Variants in RBPJ observed in about 807,000 individuals in gnomAD.
RBPJ encodes recombining binding protein suppressor of hairless.
RBPJ carries 9 observed loss-of-function variants against 67.8 expected under a neutral mutation model. The observed-to-expected ratio is 0.13, with a 90% CI of 0.08 to 0.23. The LOEUF is 0.23. Among genes scored for constraint, RBPJ ranks in the 10% least tolerant of loss-of-function variants. The pLI is 1.00. For synonymous variants in RBPJ, 198 were observed against 203.3 expected, an observed-to-expected ratio of 0.97 and a Z score of 0.22; for missense variants, 305 against 595.6, an observed-to-expected ratio of 0.51 and a Z score of 5.08.
At chr4:26,418,703 C>G (rs1216506288) in intron 4 of RBPJ, among the ~76,000 whole-genome samples, 1 of 152,116 alleles carries the variant, frequency 6.6e-6, no homozygotes, top group African/African-American at 2.4e-5. Context: ...TAAGCTTTCC[C>G]ATTAGAATGT....
chr4:26,182,115 G>A (rs1266902704), intron 1 of RBPJ, among the ~76,000 whole-genome samples: 1 of 152,222 alleles, frequency 6.6e-6, no homozygotes, highest in African/African-American at 2.4e-5. Flanking sequence ...GGCCGAGGCA[G>A]CCGGATCATG....
At chr4:26,310,071 CAA>C (rs955735420) in intron 1 of RBPJ, among the ~76,000 whole-genome samples, 5 of 152,102 alleles carry the variant, frequency 3.3e-5, no homozygotes, top group Non-Finnish European at 7.4e-5. Context: ...CCCAGGCCTG[CAA>C]AAAACTCAAA....
chr4:26,112,543 C>G, the RBPJ span: 23 of 65,918 alleles, frequency 3.5e-4, 1 homozygote, highest in Admixed American at 3.7e-3. Flanking sequence ...GAGGAGGCAG[C>G]CTTTTTTTTT....
At chr4:26,128,793 T>C in the RBPJ span, among the ~76,000 whole-genome samples, 1 of 152,192 alleles carries the variant, frequency 6.6e-6, no homozygotes, top group East Asian at 1.9e-4. Context: ...AATAGAATCA[T>C]GGGGGTGGTT....
intron 1 of RBPJ, among the ~76,000 whole-genome samples, chr4:26,347,175 T>C (rs1291265166): frequency 6.6e-6 from 1 of 152,084 alleles, no homozygotes; most frequent in Non-Finnish European, 1.5e-5. Flanking sequence ...ATGTCGACTT[T>C]GAGGTTCTTG....
intron 1 of RBPJ, among the ~76,000 whole-genome samples, chr4:26,288,129 A>T (rs1199195150): frequency 6.6e-6 from 1 of 152,216 alleles, no homozygotes; most frequent in African/African-American, 2.4e-5. Context: ...ATTACATATC[A>T]CTGAGTAACA....
intron 1 of RBPJ, among the ~76,000 whole-genome samples, chr4:26,269,649 G>A (rs151221119): frequency 6.6e-6 from 1 of 152,114 alleles, no homozygotes; most frequent in Non-Finnish European, 1.5e-5. Flanking sequence ...CTCAAAGACA[G>A]GGACTCTGTC....
chr4:26,128,818 C>A, the RBPJ span, among the ~76,000 whole-genome samples: 2 of 152,042 alleles, frequency 1.3e-5, no homozygotes, highest in Non-Finnish European at 2.9e-5. Context: ...CCATATTGTT[C>A]TTATGGTAGT....
chr4:26,319,929 T>C (rs753569410), upstream of RBPJ: 8 of 1,556,804 alleles, frequency 5.1e-6, no homozygotes, highest in East Asian at 1.9e-4. Context: ...CACCCTGCTG[T>C]TCCATGCCCG....
intron 1 of RBPJ, among the ~76,000 whole-genome samples, chr4:26,172,020 C>T (rs1005973120): frequency 1.3e-4 from 20 of 152,198 alleles, no homozygotes; most frequent in African/African-American, 4.8e-4. Context: ...AGGTTAAAAT[C>T]GCCCCAGACT....
intron 1 of RBPJ, among the ~76,000 whole-genome samples, chr4:26,172,021 G>T (rs1039679150): frequency 6.6e-6 from 1 of 152,202 alleles, no homozygotes. Flanking sequence ...GGTTAAAATC[G>T]CCCCAGACTG....
chr4:26,345,786 CAGATGACT>C (rs1044385169), intron 1 of RBPJ, among the ~76,000 whole-genome samples: 1 of 152,144 alleles, frequency 6.6e-6, no homozygotes, highest in Non-Finnish European at 1.5e-5. Context: ...TCTGCTTAGT[CAGATGACT>C]ACCCCATCCC....
intron 1 of RBPJ, among the ~76,000 whole-genome samples, chr4:26,210,607 C>T (rs1466093360): frequency 6.6e-6 from 1 of 152,064 alleles, no homozygotes; most frequent in East Asian, 1.9e-4. Context: ...CATGGCAAAA[C>T]TCATTTGTTC....
chr4:26,247,409 T>C (rs1056577038), intron 1 of RBPJ, among the ~76,000 whole-genome samples: 2 of 146,608 alleles, frequency 1.4e-5, no homozygotes, highest in Non-Finnish European at 3.1e-5. Flanking sequence ...TTCATAATAC[T>C]TTTTTTTTTG....
chr4:26,152,803 A>G, the RBPJ span, among the ~76,000 whole-genome samples: 19 of 152,358 alleles, frequency 1.2e-4, no homozygotes, highest in African/African-American at 4.6e-4. Flanking sequence ...TTTGCCAACC[A>G]CTGTGAGACT....
chr4:26,289,384 CAAAAAAAAA>C lies in RBPJ; in HGVS notation c.-166-73047_-166-73039del, dbSNP rs60159669. Among the ~76,000 whole-genome samples, 117 of 78,318 alleles carry C rather than the reference CAAAAAAAAA, an allele frequency of 1.5e-3. 3 individuals carry two copies. Among genetic ancestry groups the C allele is most frequent in the African/African-American group, 5.4e-3 (110 of 20,552 alleles). The allele number at this position is 78,318 out of a possible 152,430, so 51.4% of individuals were successfully genotyped here. ...TCAGCGACAGAGTGAGACTTGGTCT[CAAAAAAAAA>C]AAAAAAAAAAAAAAGAAAAAGAAAA... On this transcript the variant is annotated intron_variant, in intron 1 of 4. Coordinates refer to the RBPJ transcript ENST00000512351.
At chr4:26,308,197 G>A (rs2109305041) in intron 1 of RBPJ, among the ~76,000 whole-genome samples, 1 of 152,214 alleles carries the variant, frequency 6.6e-6, no homozygotes, top group East Asian at 1.9e-4. Context: ...AATGGCGTGA[G>A]CCCGGGAGGC....
intron 1 of RBPJ, among the ~76,000 whole-genome samples, chr4:26,314,202 C>T (rs1722529124): frequency 6.6e-6 from 1 of 152,044 alleles, no homozygotes. Context: ...ACATAAAAAG[C>T]AGCCTCTGCT....
At chr4:26,339,855 A>G (rs898878805) in intron 1 of RBPJ, among the ~76,000 whole-genome samples, 1 of 152,148 alleles carries the variant, frequency 6.6e-6, no homozygotes, top group African/African-American at 2.4e-5. Flanking sequence ...CCCTGTGTCT[A>G]CAAAAATACA....
Sources: gnomAD v4.1 joint callset for allele counts (sites outside exome capture counted in the v4.1 genomes callset) on GRCh38, gnomAD v4.1.1 for gene constraint, MANE v1.5 for transcripts, NCBI Gene and HGNC (gene_info 2026-07-23, HGNC 2026-07-21) for gene names.